The following EFHD1 variants were observed in gnomAD, a reference collection of about 807,000 sequenced individuals.
EFHD1 encodes EF-hand domain family member D1, also known as EF-hand domain-containing protein D1.
EFHD1 carries 10 observed loss-of-function variants against 17.2 expected under a neutral mutation model. That is an observed-to-expected ratio of 0.58 (90% CI 0.36 to 0.99). The LOEUF (loss-of-function observed/expected upper bound fraction) is 0.99, where lower values mean the gene tolerates loss of function less well. Among genes scored for constraint, EFHD1 ranks in the 50% least tolerant of loss-of-function variants. EFHD1 has a pLI of 0.01. For missense variants in EFHD1, 310 were observed against 327.5 expected, an observed-to-expected ratio of 0.95 and a Z score of 0.41; for synonymous variants, 153 against 142.0, an observed-to-expected ratio of 1.08 and a Z score of -0.55.
chr2:232,667,795 C>T (rs1237392056), intron 2 of EFHD1, among the ~76,000 whole-genome samples: 1 of 152,058 alleles, frequency 6.6e-6, no homozygotes, highest in Admixed American at 6.6e-5. Flanking sequence ...TGACCTCAGG[C>T]GATCCACCCG....
intron 2 of EFHD1, 107 bp from the exon 3 acceptor site, chr2:232,672,202 A>C (rs1695083629): frequency 1.3e-6 from 2 of 1,486,248 alleles, no homozygotes; most frequent in Admixed American, 3.4e-5. Context: ...GCATACATAA[A>C]CATCTTTCTT....
intron 2 of EFHD1, among the ~76,000 whole-genome samples, chr2:232,671,419 C>T (rs910970199): frequency 3.3e-5 from 5 of 151,782 alleles, no homozygotes; most frequent in Non-Finnish European, 7.4e-5. Context: ...AGAGCGAGAC[C>T]CTGTCTCAAG....
intron 1 of EFHD1, among the ~76,000 whole-genome samples, chr2:232,618,722 C>CA (rs113391241): frequency 0.028 from 3,706 of 134,138 alleles, 300 homozygotes; most frequent in East Asian, 0.2. Flanking sequence ...GACTCTGTCT[C>CA]AAAAAAAAAA....
At chr2:232,639,081 C>T (rs1310584207) in intron 1 of EFHD1, among the ~76,000 whole-genome samples, 2 of 152,160 alleles carry the variant, frequency 1.3e-5, no homozygotes, top group Non-Finnish European at 2.9e-5. Context: ...GGAGCTTCCA[C>T]AGTTGCTGGT....
intron 1 of EFHD1, among the ~76,000 whole-genome samples, chr2:232,656,844 T>G (rs1194381430): frequency 6.6e-6 from 1 of 152,210 alleles, no homozygotes; most frequent in Non-Finnish European, 1.5e-5. Context: ...GCTGGAGTGA[T>G]CACAGCTCAC....
chr2:232,652,569 G>A (rs1694678413), intron 1 of EFHD1, among the ~76,000 whole-genome samples: 1 of 152,160 alleles, frequency 6.6e-6, no homozygotes. Context: ...ATTTAGGACA[G>A]TGCCTGGCAC....
intron 1 of EFHD1, among the ~76,000 whole-genome samples, chr2:232,661,235 T>G (rs1694862522): frequency 6.6e-6 from 1 of 152,156 alleles, no homozygotes; most frequent in South Asian, 2.1e-4. Flanking sequence ...ATTATCGTGC[T>G]GCCATCACCA....
chr2:232,636,669 C>A (rs1694324968), intron 1 of EFHD1, among the ~76,000 whole-genome samples: 1 of 151,986 alleles, frequency 6.6e-6, no homozygotes, highest in Non-Finnish European at 1.5e-5. Flanking sequence ...ACTAAAAATA[C>A]AAAAATTAGC....
At chr2:232,631,968 A>G (rs1694210582), upstream of EFHD1, among the ~76,000 whole-genome samples, 1 of 151,600 alleles carries the variant, frequency 6.6e-6, no homozygotes, top group Non-Finnish European at 1.5e-5. Context: ...ATGCCATTGC[A>G]CTCCAGCCTG....
rs1694826599 is a variant in EFHD1, at chr2:232,659,922, G to A, written c.303-2880G>A. On this transcript the variant is annotated intron_variant, in intron 1 of 3. Transcript: ENST00000264059. Reference sequence around the variant, plus strand: ...ACAGGAGCAAGACAGAGCAAGCGGGGAAGTGCTGCACACTTTTGAACAACC... The same window carrying A: ...ACAGGAGCAAGACAGAGCAAGCGGGAAAGTGCTGCACACTTTTGAACAACC... Among the ~76,000 whole-genome samples the A allele has an allele frequency of 1.3e-5, 2 of 152,124 alleles. 1 individual carries two copies. Among genetic ancestry groups the A allele is most frequent in the South Asian group, 4.1e-4 (2 of 4,824 alleles).
At position 232,620,281 on chromosome 2, in the gene EFHD1, G is replaced by A. The variant is rs975939009; in HGVS notation, c.14+14108G>A. On this transcript the variant is annotated intron_variant, in intron 1 of 3. Transcript: ENST00000409613. ...CAGGCACCTGTAGTCCCAGCTACTC[G>A]GGAGGCTGAGGCAGGAGAATGGCGT... Among the ~76,000 whole-genome samples, 14 of 151,408 alleles carry A rather than the reference G, an allele frequency of 9.2e-5. No homozygotes were observed. In the East Asian group the frequency reaches 2.4e-3, roughly 26 times the overall value.
rs1482686571 is a variant in EFHD1 at position 232,672,300 on chromosome 2, C to A, written c.451-9C>A. ...CTGACTCTGGTTCCCTACTTTCTTT[C>A]CCCTGTAGTTCCTGCTCATTTTCCA... is the stretch of plus-strand genomic sequence containing the variant. On this transcript the variant is annotated splice_polypyrimidine_tract_variant and intron_variant, in intron 2 of 3. Transcript: ENST00000264059. 2 of 1,614,174 alleles carry A rather than the reference C, an allele frequency of 1.2e-6. No individual in the cohort carries two copies. The highest frequency in any genetic ancestry group is 1.7e-6 in the Non-Finnish European group (2 of 1,180,034).
In EFHD1 at chr2:232,613,659, A is replaced by C. The variant is rs199518659; in HGVS notation, c.14+7486A>C. On this transcript the variant is annotated intron_variant, in intron 1 of 3. Transcript: ENST00000409613. Reference sequence around the variant, plus strand: ...ATACACACACATACACACACACACAAATACACACACACAAATATACACACA... The same window carrying C: ...ATACACACACATACACACACACACACATACACACACACAAATATACACACA... Among the ~76,000 whole-genome samples, 389 of 118,782 alleles carry C rather than the reference A, an allele frequency of 3.3e-3. 3 individuals are homozygous for C. Among genetic ancestry groups the C allele is most frequent in the African/African-American group, 0.014 (370 of 25,918 alleles). 77.9% of individuals were successfully genotyped at this position (118,782 alleles called of 152,430 possible). A position where few individuals can be genotyped will look rare whatever the true frequency, so the allele number is the denominator to read the frequency against.
chr2:232,649,330 C>G (rs927106726), intron 1 of EFHD1, among the ~76,000 whole-genome samples: 1 of 152,210 alleles, frequency 6.6e-6, no homozygotes, highest in African/African-American at 2.4e-5. Context: ...TCACGCCTCA[C>G]TCTACCGCTC....
chr2:232,674,651 T>C (rs1456418742), intron 3 of EFHD1, among the ~76,000 whole-genome samples: 1 of 152,198 alleles, frequency 6.6e-6, no homozygotes, highest in African/African-American at 2.4e-5. Context: ...GTATGATATC[T>C]TTGTAATTAC....
At chr2:232,610,549 G>A (rs1693796110) in intron 1 of EFHD1, among the ~76,000 whole-genome samples, 1 of 151,500 alleles carries the variant, frequency 6.6e-6, no homozygotes, top group African/African-American at 2.4e-5. Flanking sequence ...CAGCCTGGGC[G>A]ACAGAGTGAG....
chr2:232,631,070 A>C (rs960526621), upstream of EFHD1, among the ~76,000 whole-genome samples: 1 of 152,062 alleles, frequency 6.6e-6, no homozygotes, highest in Non-Finnish European at 1.5e-5. Flanking sequence ...TACTAAAAAT[A>C]TAAAATATTA....
At chr2:232,672,862 G>C (rs1399678612) in intron 3 of EFHD1, among the ~76,000 whole-genome samples, 2 of 152,078 alleles carry the variant, frequency 1.3e-5, no homozygotes, top group Admixed American at 6.6e-5. Context: ...ACATATCCTG[G>C]CCTGCCCAGT....
intron 1 of EFHD1, among the ~76,000 whole-genome samples, chr2:232,660,436 G>T (rs975917042): frequency 2.0e-5 from 3 of 151,518 alleles, no homozygotes; most frequent in Non-Finnish European, 4.4e-5. Context: ...TCCTGACCTC[G>T]TGATCCACCC....
Sources: gnomAD v4.1 joint callset for allele counts (sites outside exome capture counted in the v4.1 genomes callset) on GRCh38, gnomAD v4.1.1 for gene constraint, MANE v1.5 for transcripts, NCBI Gene and HGNC (gene_info 2026-07-23, HGNC 2026-07-21) for gene names.